RBFOX1: variants seen among roughly 807,000 people sequenced by gnomAD.
RBFOX1 encodes the protein RNA binding fox-1 homolog 1.
Under a neutral mutation model 57.7 loss-of-function variants are expected in RBFOX1, and 8 were observed. The ratio of observed to expected loss-of-function variants is 0.14; its 90% CI spans 0.08 to 0.25. The LOEUF is 0.25. RBFOX1 is among the 10% of genes least tolerant of loss of function. The pLI is 1.00. For missense variants in RBFOX1, 611 were observed against 548.5 expected (o/e 1.11, Z -1.14); for synonymous variants, 326 against 222.4 (o/e 1.47, Z -4.15).
chr16:7,005,091 C>A (rs1403226315), intron 3 of RBFOX1, among the ~76,000 whole-genome samples: 2 of 152,152 alleles, frequency 1.3e-5, no homozygotes, highest in Non-Finnish European at 2.9e-5. Flanking sequence ...TTGCAGTCAG[C>A]TGAGATCGCG....
chr16:5,837,471 G>A (rs1397023787), intron 3 of RBFOX1, among the ~76,000 whole-genome samples: 2 of 152,048 alleles, frequency 1.3e-5, no homozygotes, highest in East Asian at 3.9e-4. Flanking sequence ...GAATTGCAAC[G>A]ACTCTCAGCC....
intron 2 of RBFOX1, among the ~76,000 whole-genome samples, chr16:6,366,728 G>A (rs747811312): frequency 6.6e-5 from 10 of 152,202 alleles, no homozygotes; most frequent in East Asian, 1.9e-4. Context: ...TACAGAGGAG[G>A]CAACTGAGTC....
At chr16:6,062,343 C>G (rs542252584) in intron 1 of RBFOX1, among the ~76,000 whole-genome samples, 1 of 152,072 alleles carries the variant, frequency 6.6e-6, no homozygotes, top group Admixed American at 6.6e-5. Context: ...TTCCTACCCT[C>G]TAACTAGAAG....
chr16:6,761,576 C>T (rs1007608834), intron 3 of RBFOX1, among the ~76,000 whole-genome samples: 4 of 125,012 alleles, frequency 3.2e-5, no homozygotes, highest in Admixed American at 2.1e-4. Flanking sequence ...GGTGCGATCT[C>T]GGTTCACTGT....
At chr16:5,961,854 C>T (rs921982176) in intron 4 of RBFOX1, among the ~76,000 whole-genome samples, 1 of 152,172 alleles carries the variant, frequency 6.6e-6, no homozygotes, top group Non-Finnish European at 1.5e-5. Context: ...CCTCCTTTAT[C>T]AGGTATAACT....
intron 4 of RBFOX1, among the ~76,000 whole-genome samples, chr16:7,355,924 A>G (rs919673168): frequency 6.6e-6 from 1 of 152,226 alleles, no homozygotes; most frequent in Non-Finnish European, 1.5e-5. Context: ...GCCGGAGGCA[A>G]AATGAGGTCA....
intron 1 of RBFOX1, among the ~76,000 whole-genome samples, chr16:6,041,921 C>T (rs2095440546): frequency 6.6e-6 from 1 of 152,110 alleles, no homozygotes; most frequent in African/African-American, 2.4e-5. Context: ...TTGCAATCAT[C>T]AGGGTGTCAG....
At chr16:6,338,460 A>C (rs1226094443) in intron 2 of RBFOX1, among the ~76,000 whole-genome samples, 3 of 152,242 alleles carry the variant, frequency 2.0e-5, no homozygotes, top group African/African-American at 7.2e-5. Context: ...CTGAATTTTT[A>C]ATAGGCAGAT....
intron 2 of RBFOX1, among the ~76,000 whole-genome samples, chr16:5,558,958 C>T (rs1298283589): frequency 6.6e-6 from 1 of 152,088 alleles, no homozygotes; most frequent in African/African-American, 2.4e-5. Flanking sequence ...ATGTGTGAGG[C>T]ATGCCAGGTG....
At chr16:6,007,835 C>T (rs778532640) in intron 4 of RBFOX1, among the ~76,000 whole-genome samples, 1 of 152,098 alleles carries the variant, frequency 6.6e-6, no homozygotes, top group Non-Finnish European at 1.5e-5. Context: ...TGATATCTAG[C>T]AGCCGTGGGG....
At chr16:5,610,623 G>A (rs993240197) in intron 3 of RBFOX1, 2 of 152,162 alleles carry the variant, frequency 1.3e-5, no homozygotes, top group Non-Finnish European at 1.5e-5. Flanking sequence ...CAGGAGGTCA[G>A]TTCAGGCCAG....
chr16:6,101,473 A>T lies in RBFOX1; in HGVS notation c.-127+81481A>T, dbSNP rs181375879. Among the ~76,000 whole-genome samples, 5 of 152,000 alleles carry T rather than the reference A, an allele frequency of 3.3e-5. No homozygotes were observed. In the East Asian group the frequency reaches 9.7e-4, roughly 29 times the overall value. On this transcript the variant is annotated intron_variant, in intron 1 of 15. Transcript: ENST00000550418. ...TTTTGTATCTTCTACTTTTTAAATT[A>T]TTATTATTATTTTATTATTTTTATT...
intron 3 of RBFOX1, among the ~76,000 whole-genome samples, chr16:5,812,396 A>T (rs549000330): frequency 6.6e-6 from 1 of 151,650 alleles, no homozygotes; most frequent in African/African-American, 2.4e-5. Flanking sequence ...TTACATTTCC[A>T]CCAGCAGTCT....
chr16:6,873,569 A>G (rs1292041631), intron 3 of RBFOX1, among the ~76,000 whole-genome samples: 3 of 152,174 alleles, frequency 2.0e-5, no homozygotes, highest in African/African-American at 7.2e-5. Context: ...ACTTTGCTGC[A>G]TAAACTATTG....
intron 3 of RBFOX1, among the ~76,000 whole-genome samples, chr16:6,778,940 C>G (rs544050891): frequency 6.6e-6 from 1 of 151,776 alleles, no homozygotes; most frequent in Non-Finnish European, 1.5e-5. Context: ...TAAAAGCATA[C>G]AATGTGTAAT....
intron 3 of RBFOX1, among the ~76,000 whole-genome samples, chr16:6,873,497 A>G (rs951362340): frequency 3.3e-5 from 5 of 152,174 alleles, no homozygotes; most frequent in African/African-American, 9.7e-5. Context: ...AACTTCCTCA[A>G]GGCTATGACA....
chr16:5,523,576 C>T lies in RBFOX1; in HGVS notation c.258+56322C>T, dbSNP rs562864165. The stretch of plus-strand genomic sequence containing the variant: ...AGACTGCAGTGAGCCACGAACATGC[C>T]GCTGCACTGCAGCCTGGATGACAAA... On this transcript the variant is annotated intron_variant, in intron 2 of 2. Transcript: ENST00000585867. Among the ~76,000 whole-genome samples, 9 of 152,230 alleles carry T rather than the reference C, an allele frequency of 5.9e-5. No individual in the cohort carries two copies. In the South Asian group the frequency reaches 1.0e-3, roughly 18 times the overall value.
At chr16:7,368,544 C>T (rs1385794706) in intron 4 of RBFOX1, among the ~76,000 whole-genome samples, 3 of 151,778 alleles carry the variant, frequency 2.0e-5, no homozygotes, top group Non-Finnish European at 4.4e-5. Flanking sequence ...TTTGGGAGGC[C>T]GAGGTGGGCA....
At chr16:5,407,529 T>C (rs1290509276) in intron 1 of RBFOX1, among the ~76,000 whole-genome samples, 1 of 152,178 alleles carries the variant, frequency 6.6e-6, no homozygotes, top group Non-Finnish European at 1.5e-5. Context: ...CTGGCCCCCA[T>C]GATTGCTGGA....
Sources: allele counts gnomAD v4.1 joint callset (sites outside exome capture counted in the v4.1 genomes callset), GRCh38; gene constraint gnomAD v4.1.1; transcripts MANE v1.5; gene names NCBI Gene and HGNC (gene_info 2026-07-23, HGNC 2026-07-21).